ZNF536: variants seen among roughly 807,000 people sequenced by gnomAD.
The protein encoded by ZNF536 is zinc finger protein 536.
A neutral mutation model predicts 84.5 loss-of-function variants in ZNF536; 13 were observed. The ratio of observed to expected loss-of-function variants is 0.15; its 90% CI spans 0.10 to 0.24. The LOEUF is 0.24. Ranked by LOEUF, ZNF536 falls within the 10% of genes least tolerant of loss-of-function variation. The pLI, the probability that ZNF536 is intolerant of heterozygous loss-of-function variation, is 1.00. For missense variants in ZNF536, 1,536 were observed against 1,747.5 expected, an observed-to-expected ratio of 0.88 and a Z score of 2.16; for synonymous variants, 811 against 742.5, an observed-to-expected ratio of 1.09 and a Z score of -1.50.
intron 2 of ZNF536, among the ~76,000 whole-genome samples, chr19:30,303,601 C>A (rs898744231): frequency 4.6e-5 from 7 of 152,000 alleles, no homozygotes; most frequent in African/African-American, 1.7e-4. Flanking sequence ...CTCCCAGGTT[C>A]AAGGGATTCT....
intron 2 of ZNF536, among the ~76,000 whole-genome samples, chr19:30,468,779 C>T (rs184511631): frequency 6.6e-6 from 1 of 152,182 alleles, no homozygotes; most frequent in Admixed American, 6.5e-5. Context: ...CGATGCCCAT[C>T]GACACCTAGG....
At chr19:30,380,426 C>G (rs933743496) in intron 1 of ZNF536, among the ~76,000 whole-genome samples, 1 of 152,146 alleles carries the variant, frequency 6.6e-6, no homozygotes, top group Non-Finnish European at 1.5e-5. Flanking sequence ...GCCAGGCCCA[C>G]GAGCACCCCC....
chr19:30,549,534 T>A lies in ZNF536; in HGVS notation c.3895+20T>A. 1 of 1,496,716 alleles carries A rather than the reference T, an allele frequency of 6.7e-7. No individual in the cohort carries two copies. Among genetic ancestry groups the A allele is most frequent in the East Asian group, 2.3e-5 (1 of 43,474 alleles). 92.7% of individuals were successfully genotyped at this position (1,496,716 alleles called of 1,614,324 possible). ...TGTGTGGTAAGTTTTAGAATCCTCT[T>A]CCTATAGTTCATTTCCCAAAACATC... On this transcript the variant is annotated intron_variant, in intron 4 of 4. Coordinates refer to ENST00000355537, the MANE Select transcript of ZNF536 (RefSeq NM_014717.3).
intron 1 of ZNF536, among the ~76,000 whole-genome samples, chr19:30,373,490 G>C (rs1352033433): frequency 6.6e-6 from 1 of 151,744 alleles, no homozygotes; most frequent in Non-Finnish European, 1.5e-5. Flanking sequence ...AAAGAAATAA[G>C]AACAACAACA....
At chr19:30,564,427 GAGA>G (rs2046279731) in intron 1 of ZNF536, among the ~76,000 whole-genome samples, 1 of 152,078 alleles carries the variant, frequency 6.6e-6, no homozygotes, top group Non-Finnish European at 1.5e-5. Context: ...GAGAGAGAGA[GAGA>G]AGGCCAGCAG....
chr19:30,338,274 A>G (rs144894031), intron 2 of ZNF536, among the ~76,000 whole-genome samples: 136 of 151,810 alleles, frequency 9.0e-4, no homozygotes, highest in Admixed American at 2.0e-3. Flanking sequence ...ATTGATGATG[A>G]TGGTGATGAC....
intron 1 of ZNF536, among the ~76,000 whole-genome samples, chr19:30,393,716 A>C (rs1206870993): frequency 1.3e-5 from 2 of 152,126 alleles, no homozygotes; most frequent in African/African-American, 4.8e-5. Flanking sequence ...TGAAGGCTGA[A>C]AGGTGGGCAG....
At chr19:30,402,490 C>T (rs911342375) in intron 1 of ZNF536, among the ~76,000 whole-genome samples, 2 of 151,964 alleles carry the variant, frequency 1.3e-5, no homozygotes, top group African/African-American at 2.4e-5. Flanking sequence ...TTCCATTTTA[C>T]GCTTTTAGGA....
chr19:30,635,066 G>GA (rs1443730985), intron 1 of ZNF536, among the ~76,000 whole-genome samples: 1 of 20,236 alleles, frequency 4.9e-5, no homozygotes, highest in Admixed American at 3.3e-4. Flanking sequence ...GAAGAAAGCT[G>GA]GGTGTGTGTG....
At chr19:30,374,125 T>A (rs1172931744) in intron 1 of ZNF536, among the ~76,000 whole-genome samples, 4 of 152,234 alleles carry the variant, frequency 2.6e-5, no homozygotes, top group African/African-American at 9.6e-5. Context: ...TTAAATAATA[T>A]TTCTGCTTAA....
At chr19:30,508,491 G>T (rs768387266) in intron 2 of ZNF536, among the ~76,000 whole-genome samples, 5 of 152,202 alleles carry the variant, frequency 3.3e-5, no homozygotes, top group Non-Finnish European at 5.9e-5. Context: ...GCCACATGGT[G>T]AATGACAGAT....
intron 1 of ZNF536, among the ~76,000 whole-genome samples, chr19:30,621,981 A>G (rs2048500347): frequency 6.6e-6 from 1 of 152,256 alleles, no homozygotes; most frequent in Non-Finnish European, 1.5e-5. Context: ...TCCTCAAAAC[A>G]GAAGATTAAA....
At chr19:30,423,257 A>G (rs1033187917) in intron 1 of ZNF536, among the ~76,000 whole-genome samples, 7 of 151,762 alleles carry the variant, frequency 4.6e-5, no homozygotes, top group African/African-American at 1.5e-4. Context: ...ATATCCATCC[A>G]TCCATTCATC....
intron 2 of ZNF536, among the ~76,000 whole-genome samples, chr19:30,457,427 A>T (rs2148380621): frequency 6.6e-6 from 1 of 152,332 alleles, no homozygotes; most frequent in Non-Finnish European, 1.5e-5. Context: ...CTGGGAGAAG[A>T]GTCCAGTGGG....
At chr19:30,237,795 T>TAAC (rs1404420022) in intron 1 of ZNF536, among the ~76,000 whole-genome samples, 8 of 152,092 alleles carry the variant, frequency 5.3e-5, no homozygotes, top group Admixed American at 2.0e-4. Context: ...TTGCATAATT[T>TAAC]AACTTTTAGG....
In ZNF536 at chr19:30,229,574, G is replaced by T. The variant is rs561996021; in HGVS notation, c.-190+901G>T. On this transcript the variant is annotated intron_variant, in intron 1 of 5. Transcript: ENST00000585628. ...CCCTGAAAGCTGCTGCGGGTGGTGG[G>T]GGGGGCTCAGCTTTCAGTCCAGGGA... 1.4e-4 allele frequency among the ~76,000 whole-genome samples: 22 copies of T among 152,250 alleles called. No homozygotes were observed. The South Asian group carries it at 4.3e-3, about 30-fold the overall frequency.
At chr19:30,284,459 G>A (rs1200809215) in intron 2 of ZNF536, among the ~76,000 whole-genome samples, 1 of 152,194 alleles carries the variant, frequency 6.6e-6, no homozygotes, top group African/African-American at 2.4e-5. Flanking sequence ...GAGCTGGTGG[G>A]GCTTTTGCTA....
At chr19:30,587,657 A>G (rs2047140202) in intron 1 of ZNF536, among the ~76,000 whole-genome samples, 1 of 152,200 alleles carries the variant, frequency 6.6e-6, no homozygotes, top group Admixed American at 6.5e-5. Context: ...TGGAGACTTC[A>G]TTCCCTGAAA....
intron 3 of ZNF536, among the ~76,000 whole-genome samples, chr19:30,364,927 T>C (rs2048380800): frequency 6.6e-6 from 1 of 152,258 alleles, no homozygotes; most frequent in Non-Finnish European, 1.5e-5. Context: ...GTTCTCCTGC[T>C]TATACTTCAG....
Sources: gnomAD v4.1 joint callset for allele counts (sites outside exome capture counted in the v4.1 genomes callset) on GRCh38, gnomAD v4.1.1 for gene constraint, MANE v1.5 for transcripts, NCBI Gene and HGNC (gene_info 2026-07-23, HGNC 2026-07-21) for gene names.